MCTP2: variants seen among roughly 807,000 people sequenced by gnomAD.
The protein encoded by MCTP2 is multiple C2 and transmembrane domain containing 2, also known as multiple C2 and transmembrane domain-containing protein 2.
MCTP2 carries 132 observed loss-of-function variants against 111.6 expected under a neutral mutation model. The ratio of observed to expected loss-of-function variants is 1.18; its 90% CI spans 1.03 to 1.37. MCTP2 has a LOEUF of 1.37. Among genes scored for constraint, MCTP2 ranks in the 40% most tolerant of loss-of-function variants. MCTP2 has a pLI of 0.00. For synonymous variants in MCTP2, 395 were observed against 387.7 expected, an observed-to-expected ratio of 1.02 and a Z score of -0.22; for missense variants, 1,183 against 1,067.9, an observed-to-expected ratio of 1.11 and a Z score of -1.50.
intron 1 of MCTP2, among the ~76,000 whole-genome samples, chr15:94,234,629 C>T (rs2070413978): frequency 6.6e-6 from 1 of 152,212 alleles, no homozygotes; most frequent in South Asian, 2.1e-4. Context: ...TCTGGACACT[C>T]ATGTCCAACG....
intron 1 of MCTP2, among the ~76,000 whole-genome samples, chr15:94,241,927 TA>T (rs1361920143): frequency 6.6e-6 from 1 of 152,206 alleles, no homozygotes; most frequent in Non-Finnish European, 1.5e-5. Flanking sequence ...CATAGTTTTT[TA>T]AAAGTCTGGC....
intron 1 of MCTP2, among the ~76,000 whole-genome samples, chr15:94,260,559 G>T (rs2073123373): frequency 6.6e-6 from 1 of 152,116 alleles, no homozygotes; most frequent in Non-Finnish European, 1.5e-5. Context: ...TTATCTGCAG[G>T]AGCCATTAAA....
In MCTP2 at chr15:94,374,483, T is replaced by C. The variant is rs142893481; in HGVS notation, c.1582+4303T>C. Among the ~76,000 whole-genome samples, 361 of 152,270 alleles carry C rather than the reference T, an allele frequency of 2.4e-3. 5 individuals are homozygous for C. In the Middle Eastern group the frequency reaches 0.031, roughly 13 times the overall value. ...GTTGGGGTTAATTCAGCACTAGGAA[T>C]TGAAACCATCATGGCCACCACTGGC... On this transcript the variant is annotated intron_variant, in intron 12 of 22. Coordinates refer to ENST00000357742, the MANE Select transcript of MCTP2 (RefSeq NM_001385001.1).
chr15:94,304,405 G>C (rs996117442), intron 2 of MCTP2, among the ~76,000 whole-genome samples: 1 of 152,212 alleles, frequency 6.6e-6, no homozygotes, highest in African/African-American at 2.4e-5. Flanking sequence ...TTGTGCCCAT[G>C]CACTCCAGCA....
chr15:94,392,759 T>C (rs2081060675), intron 14 of MCTP2, among the ~76,000 whole-genome samples: 1 of 151,914 alleles, frequency 6.6e-6, no homozygotes, highest in African/African-American at 2.4e-5. Flanking sequence ...GAGGTTGCAG[T>C]GAGCCAAGAT....
At chr15:94,248,725 T>G (rs1426031238) in intron 1 of MCTP2, among the ~76,000 whole-genome samples, 1 of 152,178 alleles carries the variant, frequency 6.6e-6, no homozygotes, top group Non-Finnish European at 1.5e-5. Flanking sequence ...ATTTACGAAA[T>G]TTGAATTGTT....
intron 19 of MCTP2, 108 bp downstream of exon 19, chr15:94,443,068 A>G: frequency 1.4e-6 from 1 of 721,482 alleles, no homozygotes; most frequent in Non-Finnish European, 2.2e-6. Context: ...TTTTTTTAAT[A>G]TGATAGAGTT....
intron 1 of MCTP2, among the ~76,000 whole-genome samples, chr15:94,244,253 T>C (rs1252449390): frequency 1.6e-5 from 2 of 126,688 alleles, no homozygotes; most frequent in African/African-American, 3.1e-5. Flanking sequence ...TATACACATA[T>C]GTGTATATAT....
Position 94,384,137 on chromosome 15 carries a change from G to A in MCTP2, c.1685+13G>A, listed in dbSNP as rs768809421. 1.3e-6 allele frequency: 2 copies of A among 1,582,660 alleles called. No individual in the cohort carries two copies. Among genetic ancestry groups the A allele is most frequent in the African/African-American group, 1.3e-5 (1 of 74,172 alleles). On this transcript the variant is annotated intron_variant, in intron 13 of 22. Coordinates refer to ENST00000357742, the MANE Select transcript of MCTP2 (RefSeq NM_001385001.1). ...AAGTTTTTACATTGTAAGTGCTTTA[G>A]CCTCTGGAATTATTTCTGCTGTGCT...
rs796252586 is a variant in MCTP2 at position 94,483,706 on chromosome 15, G to A, written c.*4672G>A. On this transcript the variant is annotated 3_prime_UTR_variant, in exon 23 of 23. Coordinates refer to ENST00000357742, the MANE Select transcript of MCTP2 (RefSeq NM_001385001.1). The stretch of plus-strand genomic sequence containing the variant: ...ACAAAATACACTGGGGGCTATTGGA[G>A]GGTGAAGGGTGAAAGGAGGAAGAGG... 25 of 152,288 alleles carry A rather than the reference G, an allele frequency of 1.6e-4. No individual in the cohort carries two copies. Among genetic ancestry groups the A allele is most frequent in the African/African-American group, 5.8e-4 (24 of 41,570 alleles). 9.4% of individuals were successfully genotyped at this position (152,288 alleles called of 1,614,324 possible).
chr15:94,311,242 G>C (rs897854305), intron 2 of MCTP2, among the ~76,000 whole-genome samples: 1 of 151,888 alleles, frequency 6.6e-6, no homozygotes, highest in African/African-American at 2.4e-5. Context: ...GGCCAGGCTG[G>C]TCTCGAACTC....
intron 9 of MCTP2, among the ~76,000 whole-genome samples, chr15:94,358,027 A>G (rs555247375): frequency 1.3e-5 from 2 of 152,342 alleles, no homozygotes; most frequent in South Asian, 2.1e-4. Context: ...TTCTCATTTA[A>G]TGCAGCTGAC....
intron 14 of MCTP2, among the ~76,000 whole-genome samples, chr15:94,395,182 A>G (rs1273885022): frequency 6.6e-6 from 1 of 152,216 alleles, no homozygotes; most frequent in Non-Finnish European, 1.5e-5. Context: ...GTCACATTTT[A>G]TTGGAGAGCC....
Position 94,243,099 on chromosome 15 carries a change from GTGTATCTACGGGTGTGTATATA to G in MCTP2, c.-66+11452_-66+11473del, listed in dbSNP as rs1416282795. ...TGTATCTACACATATACGTGTATAT[GTGTATCTACGGGTGTGTATATA>G]TGTATCTACGGGTGTGGATATATTT... On this transcript the variant is annotated intron_variant, in intron 1 of 22. Transcript: ENST00000357742. Among the ~76,000 whole-genome samples the G allele has an allele frequency of 9.4e-5, 6 of 63,688 alleles. 1 individual carries two copies. The highest frequency in any genetic ancestry group is 2.2e-4 in the Non-Finnish European group (6 of 27,650). The allele number at this position is 63,688 out of a possible 152,430, so 41.8% of individuals were successfully genotyped here.
chr15:94,236,291 A>G (rs1040375106), intron 1 of MCTP2, among the ~76,000 whole-genome samples: 15 of 151,600 alleles, frequency 9.9e-5, no homozygotes, highest in Admixed American at 2.0e-4. Context: ...GAAGATATTC[A>G]GAAGAGCTGT....
At chr15:94,422,716 C>G (rs1186153863) in intron 17 of MCTP2, among the ~76,000 whole-genome samples, 1 of 152,182 alleles carries the variant, frequency 6.6e-6, no homozygotes, top group Admixed American at 6.5e-5. Context: ...AGTTCTCCAA[C>G]CTTATTGCCA....
intron 19 of MCTP2, among the ~76,000 whole-genome samples, chr15:94,449,320 T>C (rs2084304010): frequency 6.6e-6 from 1 of 152,222 alleles, no homozygotes; most frequent in Non-Finnish European, 1.5e-5. Context: ...TTAAGTTTCA[T>C]AATATGTTCC....
At position 94,417,930 on chromosome 15, in the gene MCTP2, T is replaced by C. The variant is rs189235468; in HGVS notation, c.2085+15911T>C. Among the ~76,000 whole-genome samples the C allele has an allele frequency of 1.1e-3, 162 of 152,234 alleles. 1 individual carries two copies. Among genetic ancestry groups the C allele is most frequent in the Non-Finnish European group, 1.7e-3 (115 of 67,984 alleles). On this transcript the variant is annotated intron_variant, in intron 17 of 22. Coordinates refer to ENST00000357742, the MANE Select transcript of MCTP2 (RefSeq NM_001385001.1). Reference sequence around the variant, plus strand: ...AGCTATTGCAGGCTTAATGTGAACTTACTGCAAGCCTGCTTCTTTTAGTGC... The same window carrying C: ...AGCTATTGCAGGCTTAATGTGAACTCACTGCAAGCCTGCTTCTTTTAGTGC...
intron 10 of MCTP2, among the ~76,000 whole-genome samples, chr15:94,358,903 A>G (rs895131478): frequency 2.0e-5 from 3 of 152,224 alleles, no homozygotes; most frequent in African/African-American, 7.2e-5. Context: ...TAAATTTCCA[A>G]TATACGCTAT....
Sources: gnomAD v4.1 joint callset for allele counts (sites outside exome capture counted in the v4.1 genomes callset) on GRCh38, gnomAD v4.1.1 for gene constraint, MANE v1.5 for transcripts, NCBI Gene and HGNC (gene_info 2026-07-23, HGNC 2026-07-21) for gene names.